ITGA9: variants seen among roughly 807,000 people sequenced by gnomAD.
ITGA9 encodes integrin alpha-9.
A neutral mutation model predicts 127.8 loss-of-function variants in ITGA9; 56 were observed. That is an observed-to-expected ratio of 0.44 (90% CI 0.35 to 0.55). The LOEUF (loss-of-function observed/expected upper bound fraction) is 0.55. ITGA9 is among the 20% of genes least tolerant of loss of function. The pLI is 0.00. For missense variants in ITGA9, 1,196 were observed against 1,347.1 expected, an observed-to-expected ratio of 0.89 and a Z score of 1.76; for synonymous variants, 508 against 514.5, an observed-to-expected ratio of 0.99 and a Z score of 0.17.
chr3:37,604,953 G>A (rs955337494), intron 15 of ITGA9, among the ~76,000 whole-genome samples: 5 of 152,026 alleles, frequency 3.3e-5, no homozygotes, highest in Non-Finnish European at 5.9e-5. Flanking sequence ...TTGATGGGCC[G>A]GCTATTCAGA....
intron 21 of ITGA9, among the ~76,000 whole-genome samples, chr3:37,742,341 A>G (rs6808722): frequency 0.086 from 13,110 of 152,112 alleles, 1,184 homozygotes; most frequent in African/African-American, 0.22. Context: ...CCTGATGTCT[A>G]TAATGGTCTG....
chr3:37,532,895 C>T (rs1161828079), intron 13 of ITGA9, among the ~76,000 whole-genome samples: 1 of 152,182 alleles, frequency 6.6e-6, no homozygotes, highest in Non-Finnish European at 1.5e-5. Flanking sequence ...GCAGCAAATG[C>T]TTGAGGGAAT....
intron 6 of ITGA9, 152 bp downstream of exon 6, chr3:37,503,459 A>G (rs1380817880): frequency 4.8e-6 from 4 of 832,602 alleles, no homozygotes; most frequent in Admixed American, 2.1e-5. Context: ...GGGCATCTTC[A>G]CATCTAGCTC....
chr3:37,736,610 A>G (rs971772195), intron 19 of ITGA9, among the ~76,000 whole-genome samples: 2 of 152,224 alleles, frequency 1.3e-5, no homozygotes, highest in African/African-American at 4.8e-5. Context: ...AGAAATTGAA[A>G]AGATGGTATG....
At chr3:37,506,665 T>C (rs1173864387) in intron 7 of ITGA9, among the ~76,000 whole-genome samples, 1 of 152,198 alleles carries the variant, frequency 6.6e-6, no homozygotes, top group Non-Finnish European at 1.5e-5. Context: ...CCTGAATTCC[T>C]TTGGGAAACA....
chr3:37,675,593 A>G (rs1052127509), intron 17 of ITGA9, among the ~76,000 whole-genome samples: 1 of 152,168 alleles, frequency 6.6e-6, no homozygotes, highest in African/African-American at 2.4e-5. Flanking sequence ...AACTTTGGAC[A>G]TCAGATTTTG....
intron 18 of ITGA9, among the ~76,000 whole-genome samples, chr3:37,705,538 G>A (rs986517671): frequency 8.5e-5 from 13 of 152,186 alleles, no homozygotes; most frequent in Non-Finnish European, 1.2e-4. Context: ...TTTCTTCCAC[G>A]TCTCTGAAAG....
intron 15 of ITGA9, among the ~76,000 whole-genome samples, chr3:37,602,602 A>G (rs779701381): frequency 2.6e-5 from 4 of 152,112 alleles, no homozygotes; most frequent in African/African-American, 9.6e-5. Context: ...TAGTTTTTTT[A>G]ATTTTTATTT....
rs1698410134 is a variant in ITGA9 at position 37,469,933 on chromosome 3, T to C, written c.186-1074T>C. ...GCCTCAGCCTCTCAAGCAGCTGGGA[T>C]TACAGGCACCTGCCACCATGCCCAG... On this transcript the variant is annotated intron_variant, in intron 1 of 27. Coordinates refer to ENST00000264741, the MANE Select transcript of ITGA9 (RefSeq NM_002207.3). Among the ~76,000 whole-genome samples, 3 of 152,250 alleles carry C rather than the reference T, an allele frequency of 2.0e-5. No individual in the cohort carries two copies. In the South Asian group the frequency reaches 6.2e-4, roughly 32 times the overall value.
At chr3:37,523,389 G>A in intron 11 of ITGA9, 132 bp from the exon 12 acceptor site, 2 of 730,894 alleles carry the variant, frequency 2.7e-6, no homozygotes, top group African/African-American at 1.8e-5. Flanking sequence ...GATCACATTA[G>A]GATTACTTTT....
rs145796048 is a variant in ITGA9, at chr3:37,798,261, A to G, written c.2890-5562A>G. ...CACCCTGGCCTCCCAGAGTGCTGGG[A>G]TTATAGGCATGAGCCAGCATCTTCT... On this transcript the variant is annotated intron_variant, in intron 26 of 27. Coordinates refer to ENST00000264741, the MANE Select transcript of ITGA9 (RefSeq NM_002207.3). Among the ~76,000 whole-genome samples the G allele has an allele frequency of 3.4e-3, 511 of 152,320 alleles. 4 individuals carry two copies. The highest frequency in any genetic ancestry group is 5.8e-3 in the Admixed American group (89 of 15,306).
intron 23 of ITGA9, among the ~76,000 whole-genome samples, chr3:37,752,679 G>T (rs1210358549): frequency 6.6e-6 from 1 of 152,186 alleles, no homozygotes; most frequent in Non-Finnish European, 1.5e-5. Context: ...CCCACGTGTG[G>T]CACAGTTTTC....
At chr3:37,802,311 G>T (rs1483996401) in intron 26 of ITGA9, among the ~76,000 whole-genome samples, 1 of 152,210 alleles carries the variant, frequency 6.6e-6, no homozygotes, top group Non-Finnish European at 1.5e-5. Context: ...AATAAGCAGT[G>T]CTAGGCATTA....
At chr3:37,689,943 T>A (rs1037732254) in intron 18 of ITGA9, among the ~76,000 whole-genome samples, 1 of 152,194 alleles carries the variant, frequency 6.6e-6, no homozygotes, top group South Asian at 2.1e-4. Context: ...TCATGGCCTA[T>A]TGGGGCCAAA....
At chr3:37,759,818 T>C (rs978107573) in intron 23 of ITGA9, among the ~76,000 whole-genome samples, 1 of 151,102 alleles carries the variant, frequency 6.6e-6, no homozygotes, top group Non-Finnish European at 1.5e-5. Flanking sequence ...GGCAGGAGAA[T>C]CGCTTGAACC....
chr3:37,601,810 G>A (rs1201442183), intron 15 of ITGA9, among the ~76,000 whole-genome samples: 1 of 152,188 alleles, frequency 6.6e-6, no homozygotes, highest in East Asian at 1.9e-4. Context: ...CTGAGGCTGG[G>A]TAATTTATAA....
In ITGA9 at chr3:37,791,147, G is replaced by A. The variant is rs187548537; in HGVS notation, c.2889+6069G>A. 4.6e-5 allele frequency among the ~76,000 whole-genome samples: 7 copies of A among 152,238 alleles called. No homozygotes were observed. In the East Asian group the frequency reaches 1.2e-3, roughly 25 times the overall value. Reference sequence around the variant, plus strand: ...GCCCACAGAAGAGGAAAGGACCCCTGAAGCCAGAAACTCCCCCAAGGCAAA... The same window carrying A: ...GCCCACAGAAGAGGAAAGGACCCCTAAAGCCAGAAACTCCCCCAAGGCAAA... On this transcript the variant is annotated intron_variant, in intron 26 of 27. Coordinates refer to ENST00000264741, the MANE Select transcript of ITGA9 (RefSeq NM_002207.3).
chr3:37,558,926 G>T (rs559491286), intron 15 of ITGA9, among the ~76,000 whole-genome samples: 1 of 152,158 alleles, frequency 6.6e-6, no homozygotes, highest in African/African-American at 2.4e-5. Context: ...TGGGCTGTGG[G>T]CCTTCTGGTG....
chr3:37,700,328 G>A (rs931106235), intron 18 of ITGA9, among the ~76,000 whole-genome samples: 5 of 151,676 alleles, frequency 3.3e-5, no homozygotes, highest in African/African-American at 4.8e-5. Context: ...TCCTCCTACC[G>A]GAATTAGGTT....
Sources: gnomAD v4.1 joint callset for allele counts (sites outside exome capture counted in the v4.1 genomes callset) on GRCh38, gnomAD v4.1.1 for gene constraint, MANE v1.5 for transcripts, NCBI Gene and HGNC (gene_info 2026-07-23, HGNC 2026-07-21) for gene names.